Variants in COL19A1 observed in about 807,000 individuals in gnomAD.
COL19A1 encodes the protein collagen type XIX alpha 1 chain.
Under a neutral mutation model 190.2 loss-of-function variants are expected in COL19A1, and 159 were observed. The ratio of observed to expected loss-of-function variants is 0.84; its 90% CI spans 0.73 to 0.95. COL19A1 has a LOEUF of 0.95. Ranked by LOEUF, COL19A1 falls within the 40% of genes least tolerant of loss-of-function variation. COL19A1 has a pLI of 0.00. For missense variants in COL19A1, 1,418 were observed against 1,431.9 expected (o/e 0.99, Z 0.16); for synonymous variants, 509 against 458.9 (o/e 1.11, Z -1.39).
intron 34 of COL19A1, among the ~76,000 whole-genome samples, chr6:70,158,852 T>C (rs1260254064): frequency 2.6e-5 from 4 of 152,148 alleles, no homozygotes; most frequent in Non-Finnish European, 5.9e-5. Context: ...TTTGGCACTG[T>C]ATGTTAAATT....
chr6:70,153,779 GT>G (rs1787244441), intron 31 of COL19A1, among the ~76,000 whole-genome samples: 1 of 150,862 alleles, frequency 6.6e-6, no homozygotes, highest in Non-Finnish European at 1.5e-5. Flanking sequence ...TATCTTCATA[GT>G]TTTTCAGGTG....
In COL19A1 at chr6:70,208,568, G is replaced by C. The variant is rs904514916; in HGVS notation, c.*1294G>C. On this transcript the variant is annotated 3_prime_UTR_variant, in exon 51 of 51. Coordinates refer to ENST00000620364, the MANE Select transcript of COL19A1 (RefSeq NM_001858.6). ...TTCATTGAGGAACTGTTGATTGGCA[G>C]GCACTGATTCTCTAGAACACTGGGC... 2.0e-5 allele frequency: 3 copies of C among 152,416 alleles called. No individual in the cohort carries two copies. The East Asian group carries it at 5.8e-4, about 29-fold the overall frequency. The allele number at this position is 152,416 out of a possible 1,614,324, so 9.4% of individuals were successfully genotyped here. A position where few individuals can be genotyped will look rare whatever the true frequency, so the allele number is the denominator to read the frequency against.
intron 4 of COL19A1, among the ~76,000 whole-genome samples, chr6:69,920,306 G>T (rs534432001): frequency 6.6e-6 from 1 of 152,068 alleles, no homozygotes; most frequent in Non-Finnish European, 1.5e-5. Flanking sequence ...TGATCCCCTG[G>T]TCACTTCCCC....
At chr6:69,910,457 A>G (rs1156976637) in intron 4 of COL19A1, among the ~76,000 whole-genome samples, 3 of 152,162 alleles carry the variant, frequency 2.0e-5, no homozygotes, top group Admixed American at 2.0e-4. Context: ...CAAATCCAGA[A>G]TTAATTTCTA....
chr6:70,130,427 T>C (rs1480941590), intron 18 of COL19A1, among the ~76,000 whole-genome samples: 3 of 152,226 alleles, frequency 2.0e-5, no homozygotes, highest in African/African-American at 7.2e-5. Flanking sequence ...AGTTTCACCA[T>C]GTTGGCCAGG....
intron 15 of COL19A1, among the ~76,000 whole-genome samples, chr6:70,068,941 T>C (rs542994260): frequency 7.2e-5 from 11 of 152,220 alleles, no homozygotes; most frequent in African/African-American, 2.4e-4. Context: ...TAAATCATCG[T>C]TGGAATTGGT....
At chr6:70,049,393 A>G (rs974951912) in intron 14 of COL19A1, among the ~76,000 whole-genome samples, 2 of 151,956 alleles carry the variant, frequency 1.3e-5, no homozygotes, top group African/African-American at 2.4e-5. Context: ...AGCTATTTTT[A>G]TCTATTCTGT....
intron 4 of COL19A1, among the ~76,000 whole-genome samples, chr6:69,912,191 C>G (rs897992484): frequency 6.6e-6 from 1 of 152,142 alleles, no homozygotes; most frequent in Non-Finnish European, 1.5e-5. Context: ...ACACTAAGCC[C>G]TCACTAATGT....
chr6:69,968,030 A>G (rs1428786203), intron 11 of COL19A1, among the ~76,000 whole-genome samples: 1 of 152,196 alleles, frequency 6.6e-6, no homozygotes, highest in Non-Finnish European at 1.5e-5. Flanking sequence ...TCACCAGTCA[A>G]CATCAGCTAA....
rs572928378 is a variant in COL19A1 at position 70,066,115 on chromosome 6, A to C, written c.1171-2308A>C. Among the ~76,000 whole-genome samples the C allele has an allele frequency of 2.6e-5, 4 of 152,238 alleles. No individual in the cohort carries two copies. The East Asian group carries it at 7.7e-4, about 29-fold the overall frequency. ...CATTACTGGGTATATACCCAAAGGA[A>C]TATAATTCATGCTGCTATAAAGACA... On this transcript the variant is annotated intron_variant, in intron 14 of 50. Coordinates refer to ENST00000620364, the MANE Select transcript of COL19A1 (RefSeq NM_001858.6).
At chr6:70,017,977 A>G (rs947719101) in intron 11 of COL19A1, among the ~76,000 whole-genome samples, 1 of 152,146 alleles carries the variant, frequency 6.6e-6, no homozygotes, top group African/African-American at 2.4e-5. Context: ...TTATCTGAAA[A>G]AGGAAGGATT....
chr6:69,984,775 T>C (rs1452847818), intron 11 of COL19A1, among the ~76,000 whole-genome samples: 1 of 152,298 alleles, frequency 6.6e-6, no homozygotes, highest in East Asian at 1.9e-4. Flanking sequence ...TAGCTGTGTT[T>C]ATAGTTCTTG....
At chr6:69,956,181 C>T (rs1199989241) in intron 9 of COL19A1, among the ~76,000 whole-genome samples, 4 of 151,760 alleles carry the variant, frequency 2.6e-5, no homozygotes, top group Non-Finnish European at 5.9e-5. Context: ...TACCACTAAC[C>T]ACCCATACAT....
At chr6:70,000,750 T>C (rs1777212066) in intron 11 of COL19A1, among the ~76,000 whole-genome samples, 2 of 152,190 alleles carry the variant, frequency 1.3e-5, no homozygotes, top group South Asian at 2.1e-4. Context: ...TTTAAGTTCA[T>C]TGTAAATTCT....
intron 15 of COL19A1, among the ~76,000 whole-genome samples, chr6:70,101,644 T>C (rs1301081038): frequency 1.3e-5 from 2 of 152,202 alleles, no homozygotes; most frequent in Non-Finnish European, 2.9e-5. Flanking sequence ...GCATAAAAAT[T>C]ATCTGAAGTA....
intron 1 of COL19A1, among the ~76,000 whole-genome samples, chr6:69,878,460 G>A (rs1225337327): frequency 1.3e-5 from 2 of 151,888 alleles, no homozygotes; most frequent in Non-Finnish European, 2.9e-5. Context: ...GTGATCGCCC[G>A]CCTCGGCCTT....
At chr6:69,981,770 A>G (rs906787471) in intron 11 of COL19A1, among the ~76,000 whole-genome samples, 5 of 152,104 alleles carry the variant, frequency 3.3e-5, no homozygotes, top group African/African-American at 7.2e-5. Flanking sequence ...ATATCACATT[A>G]CATACATAGA....
intron 2 of COL19A1, among the ~76,000 whole-genome samples, chr6:69,893,052 C>A (rs77669381): frequency 6.6e-6 from 1 of 152,032 alleles, no homozygotes; most frequent in South Asian, 2.1e-4. Flanking sequence ...TATTAAAGGC[C>A]GTAAAAGGTT....
intron 15 of COL19A1, among the ~76,000 whole-genome samples, chr6:70,100,131 A>G (rs984574152): frequency 1.3e-5 from 2 of 152,208 alleles, no homozygotes; most frequent in Non-Finnish European, 2.9e-5. Flanking sequence ...GGGGAATGTA[A>G]ACTAAAGTTG....
Sources: gnomAD v4.1 joint callset for allele counts (sites outside exome capture counted in the v4.1 genomes callset) on GRCh38, gnomAD v4.1.1 for gene constraint, MANE v1.5 for transcripts, NCBI Gene and HGNC (gene_info 2026-07-23, HGNC 2026-07-21) for gene names.